LTBP4: variants seen among roughly 807,000 people sequenced by gnomAD.
LTBP4 encodes the protein latent transforming growth factor beta binding protein 4.
LTBP4 carries 93 observed loss-of-function variants against 180.2 expected under a neutral mutation model. The ratio of observed to expected loss-of-function variants is 0.52; its 90% CI spans 0.44 to 0.61. The LOEUF (loss-of-function observed/expected upper bound fraction) is 0.61. LTBP4 is among the 20% of genes least tolerant of loss of function. The probability of loss-of-function intolerance (pLI) is 0.00; values close to 1 mark genes in which losing one functional copy is unlikely to be tolerated. For missense variants in LTBP4, 2,116 were observed against 2,256.5 expected (o/e 0.94, Z 1.26); for synonymous variants, 947 against 934.5 (o/e 1.01, Z -0.24).
intron 27 of LTBP4, 148 bp downstream of exon 27, chr19:40,626,157 T>G (rs2081632334): frequency 2.2e-6 from 2 of 889,558 alleles, no homozygotes; most frequent in South Asian, 2.1e-5. Flanking sequence ...TCCCAAAATC[T>G]TGGTCCCCGA....
intron 11 of LTBP4, 152 bp from the exon 12 acceptor site, chr19:40,610,380 A>C: frequency 1.2e-6 from 1 of 851,782 alleles, no homozygotes; most frequent in Non-Finnish European, 1.8e-6. Flanking sequence ...TGCCTCTCTC[A>C]CTGTGCCCCT....
chr19:40,595,424 G>A (rs577301524), intron 1 of LTBP4, among the ~76,000 whole-genome samples: 2 of 148,374 alleles, frequency 1.3e-5, no homozygotes, highest in African/African-American at 5.0e-5. Flanking sequence ...ACCCAGCCAG[G>A]CTCTGCCCCT....
intron 22 of LTBP4, 56 bp downstream of exon 22, chr19:40,619,549 T>C: frequency 6.5e-7 from 1 of 1,538,588 alleles, no homozygotes; most frequent in Non-Finnish European, 8.8e-7. Context: ...GAAAATCACG[T>C]GGTCTAATCA....
Position 40,609,841 on chromosome 19 carries a change from C to G in LTBP4, c.1654C>G (p.Arg552Gly), listed in dbSNP as rs748161227. The G allele has an allele frequency of 6.3e-7, 1 of 1,597,078 alleles. No individual in the cohort carries two copies. Among genetic ancestry groups the G allele is most frequent in the East Asian group, 2.3e-5 (1 of 44,244 alleles). Reference protein sequence around the residue: ...SFRCVCGPGFRAGPRAAECLD... With the variant: ...SFRCVCGPGFGAGPRAAECLD... ...CCGCTGCGTGTGCGGCCCGGGCTTC[C>G]GAGCCGGCCCACGGGCTGCGGAATG... The change falls in exon 11 of 30, where the codon CGA (arginine) becomes GGA (glycine). Residue 552 changes from arginine (R) to glycine (G), a missense_variant. Physicochemically the swap from Arg to Gly is moderately radical, Grantham distance 125. Around this residue, in one of 5 missense-constraint regions of LTBP4, gnomAD observed 877 missense variants for 873.6 expected, o/e 1.00. Coordinates refer to ENST00000396819, the MANE Select transcript of LTBP4 (RefSeq NM_001042545.2). The surrounding 1 kb of genome is among the most constrained non-coding windows in gnomAD (Gnocchi z 4.9).
Position 40,602,013 on chromosome 19 carries a change from C to T in LTBP4, c.250+376C>T, listed in dbSNP as rs112038330. Among the ~76,000 whole-genome samples, 1,510 of 151,850 alleles carry T rather than the reference C, an allele frequency of 9.9e-3. 22 individuals are homozygous for T. The highest frequency in any genetic ancestry group is 0.035 in the African/African-American group (1,435 of 41,382). On this transcript the variant is annotated intron_variant, in intron 1 of 29. Transcript: ENST00000396819. ...CGGGGACCAAGCAAGAGTCTCAGGACCGCATGGGGGACGTCTCAGTTTCTG... is the reference window on the plus strand; with the variant it reads ...CGGGGACCAAGCAAGAGTCTCAGGATCGCATGGGGGACGTCTCAGTTTCTG...
At position 40,619,254 on chromosome 19, in the gene LTBP4, A is replaced by G. The variant is rs7259237; in HGVS notation, c.3071-93A>G. 524,019 of 1,268,766 alleles carry G rather than the reference A, an allele frequency of 0.41. 109,885 individuals are homozygous for G. Among genetic ancestry groups the G allele is most frequent in the South Asian group, 0.54 (39,788 of 73,546 alleles). The allele number at this position is 1,268,766 out of a possible 1,614,324, so 78.6% of individuals were successfully genotyped here. A position where few individuals can be genotyped will look rare whatever the true frequency, so the allele number is the denominator to read the frequency against. ...ATGGGATCTGGGCCATTAAATATAC[A>G]CATTATATTTGAAAGCTGAGACTTT... On this transcript the variant is annotated intron_variant, in intron 21 of 29. Coordinates refer to ENST00000396819, the MANE Select transcript of LTBP4 (RefSeq NM_001042545.2).
intron 22 of LTBP4, among the ~76,000 whole-genome samples, chr19:40,620,262 A>G (rs1485741753): frequency 6.7e-6 from 1 of 150,360 alleles, no homozygotes; most frequent in Admixed American, 6.6e-5. Flanking sequence ...TTTTTTTAAG[A>G]CAGGGTCGTA....
chr19:40,605,060 T>C lies in LTBP4; in HGVS notation c.276T>C (p.Asn92=). The change falls in exon 2 of 30, where the codon AAT becomes AAC. Residue 92 remains asparagine, a synonymous_variant. Coordinates refer to ENST00000396819, the MANE Select transcript of LTBP4 (RefSeq NM_001042545.2). This position sits in a 1 kb window ranked among gnomAD's most constrained non-coding sequence, Gnocchi z 5.5. ...TCCTGTGTCCCTTGATCTGTCACAA[T>C]GGCGGTGTGTGCGTGAAGCCTGACC... ...RAFLCPLICH[N]GGVCVKPDRC... is the part of the protein sequence containing the mutation. 2 of 1,613,690 alleles carry C rather than the reference T, an allele frequency of 1.2e-6. No homozygotes were observed. The highest frequency in any genetic ancestry group is 1.7e-5 in the Admixed American group (1 of 60,014).
rs759437502 is a variant in LTBP4, at chr19:40,611,332, G to C, written c.1991G>C (p.Gly664Ala). The C allele has an allele frequency of 6.2e-6, 10 of 1,611,748 alleles. No homozygotes were observed. Among genetic ancestry groups the C allele is most frequent in the East Asian group, 2.2e-5 (1 of 44,832 alleles). ...CCCGGCCGCTGTGACAACACGGCAG[G>C]CTCCTTTCACTGTGCCTGCCCTGCT... ...CGPGRCDNTA[G>A]SFHCACPAGF... The change falls in exon 13 of 30, where the codon GGC (glycine) becomes GCC (alanine). Residue 664 changes from glycine (G) to alanine (A), a missense_variant. Coordinates refer to ENST00000396819, the MANE Select transcript of LTBP4 (RefSeq NM_001042545.2). The surrounding 1 kb of genome is among the most constrained non-coding windows in gnomAD (Gnocchi z 4.4).
rs750636976 is a variant in LTBP4 at position 40,627,728 on chromosome 19, G to A, written c.4390G>A (p.Glu1464Lys). ...YAGSLAEPYEELEAEECGILD... is the reference protein window; with the variant it reads ...YAGSLAEPYEKLEAEECGILD... ...AGGTTCCCTGGCTGAGCCCTACGAG[G>A]AGCTGGAGGCGGAGGAGTGCGGGAT... is the stretch of plus-strand genomic sequence containing the variant. The change falls in exon 29 of 30, where the codon GAG becomes AAG. Residue 1464 changes from glutamate (E) to lysine (K), a missense_variant. Around this residue, in one of 5 missense-constraint regions of LTBP4, gnomAD observed 488 missense variants for 458.8 expected, o/e 1.06. Coordinates refer to ENST00000396819, the MANE Select transcript of LTBP4 (RefSeq NM_001042545.2). The A allele has an allele frequency of 6.3e-6, 10 of 1,597,680 alleles. No individual in the cohort carries two copies. The highest frequency in any genetic ancestry group is 2.3e-5 in the East Asian group (1 of 44,110).
chr19:40,596,076 G>A (rs978665687), intron 1 of LTBP4, among the ~76,000 whole-genome samples: 1 of 151,468 alleles, frequency 6.6e-6, no homozygotes. Context: ...GCCCACCACT[G>A]CACCCAGCTA....
chr19:40,611,130 C>T lies in LTBP4; in HGVS notation c.1811-22C>T. On this transcript the variant is annotated intron_variant, in intron 12 of 29. Transcript: ENST00000396819. The surrounding 1 kb of genome is among the most constrained non-coding windows in gnomAD (Gnocchi z 4.4). ...GGGAGGCAGAGGGGAACAAGTGACC[C>T]CGGGCCCCCTGCCCTGTGCAGATGT... The T allele has an allele frequency of 6.2e-7, 1 of 1,610,970 alleles. No homozygotes were observed. Among genetic ancestry groups the T allele is most frequent in the Non-Finnish European group, 8.5e-7 (1 of 1,177,432 alleles).
chr19:40,601,531 G>C lies in LTBP4; in HGVS notation c.144G>C (p.Gly48=). 1 of 1,493,188 alleles carries C rather than the reference G, an allele frequency of 6.7e-7. No homozygotes were observed. 92.5% of individuals were successfully genotyped at this position (1,493,188 alleles called of 1,614,324 possible). ...TGTGCGGCCTGCGCTGCGTCCATGGGCCGACCGGCTCCCGCTGTACCCCGA... is the reference window on the plus strand; with the variant it reads ...TGTGCGGCCTGCGCTGCGTCCATGGCCCGACCGGCTCCCGCTGTACCCCGA... The part of the protein sequence containing the change: ...PVVCGLRCVH[G]PTGSRCTPTC... The change falls in exon 1 of 30, where the codon GGG becomes GGC. Residue 48 remains glycine (G), a synonymous_variant. Transcript: ENST00000396819.
At chr19:40,602,188 C>A (rs1358834466) in intron 1 of LTBP4, among the ~76,000 whole-genome samples, 1 of 8,796 alleles carries the variant, frequency 1.1e-4, no homozygotes, top group South Asian at 3.8e-3. Context: ...TGTGTGGCGG[C>A]GGGGGTGGGG....
chr19:40,613,692 G>A lies in LTBP4; in HGVS notation c.2557+163G>A. 2 of 1,274,070 alleles carry A rather than the reference G, an allele frequency of 1.6e-6. No individual in the cohort carries two copies. Among genetic ancestry groups the A allele is most frequent in the Non-Finnish European group, 2.2e-6 (2 of 913,950 alleles). 78.9% of individuals were successfully genotyped at this position (1,274,070 alleles called of 1,614,324 possible). On this transcript the variant is annotated intron_variant, in intron 17 of 29. Coordinates refer to ENST00000396819, the MANE Select transcript of LTBP4 (RefSeq NM_001042545.2). This position sits in a 1 kb window ranked among gnomAD's most constrained non-coding sequence, Gnocchi z 5.0. ...GAGTCTCGAGGCAGTGAGGGGGGGC[G>A]GGGCGTGGAGATGAAAGGGCCGAGT...
Position 40,609,821 on chromosome 19 carries a change from G to A in LTBP4, c.1634G>A (p.Cys545Tyr). The change falls in exon 11 of 30, where the codon TGC becomes TAC. Residue 545 changes from cysteine to tyrosine, a missense_variant. By Grantham distance (194) the Cys-to-Tyr change is radical. Coordinates refer to ENST00000396819, the MANE Select transcript of LTBP4 (RefSeq NM_001042545.2). This position sits in a 1 kb window ranked among gnomAD's most constrained non-coding sequence, Gnocchi z 4.9. ...GAGAACTCACCAGGCAGCTTCCGCT[G>A]CGTGTGCGGCCCGGGCTTCCGAGCC... ...RCENSPGSFR[C>Y]VCGPGFRAGP... 1 of 1,605,146 alleles carries A rather than the reference G, an allele frequency of 6.2e-7. No homozygotes were observed.
At chr19:40,607,620 A>G (rs1435620381) in intron 7 of LTBP4, 91 bp downstream of exon 7, 13 of 1,386,546 alleles carry the variant, frequency 9.4e-6, no homozygotes, top group South Asian at 5.7e-5. Flanking sequence ...CACTGCCCCA[A>G]CCTGACTGGC....
Position 40,609,677 on chromosome 19 carries a change from G to A in LTBP4, c.1558+16G>A. 1 of 1,612,330 alleles carries A rather than the reference G, an allele frequency of 6.2e-7. No homozygotes were observed. The highest frequency in any genetic ancestry group is 8.5e-7 in the Non-Finnish European group (1 of 1,179,018). On this transcript the variant is annotated intron_variant, in intron 10 of 29. Coordinates refer to ENST00000396819, the MANE Select transcript of LTBP4 (RefSeq NM_001042545.2). This position sits in a 1 kb window ranked among gnomAD's most constrained non-coding sequence, Gnocchi z 4.9. ...CGATGCATTGGTGAGCAAGACGGAGGGCGCGGAAGGAGGCGGGGCGGGGGG... is the reference window on the plus strand; with the variant it reads ...CGATGCATTGGTGAGCAAGACGGAGAGCGCGGAAGGAGGCGGGGCGGGGGG...
Position 40,629,448 on chromosome 19 carries a change from G to T in LTBP4, c.4572G>T (p.Ala1524=), listed in dbSNP as rs371783184. ...CTGCCTCCCCGCTGTGCGTCAACGC[G>T]CGTTGCCTCAACACGGATGGCTCCT... ...AEAASPLCVN[A]RCLNTDGSFR... is the part of the protein sequence containing the mutation. The change falls in exon 30 of 30, where the codon GCG becomes GCT. Residue 1524 remains alanine, a synonymous_variant. Coordinates refer to ENST00000396819, the MANE Select transcript of LTBP4 (RefSeq NM_001042545.2). This position sits in a 1 kb window ranked among gnomAD's most constrained non-coding sequence, Gnocchi z 4.5. 25 of 1,612,430 alleles carry T rather than the reference G, an allele frequency of 1.6e-5. No homozygotes were observed. In the Admixed American group the frequency reaches 2.3e-4, roughly 15 times the overall value.
Sources: allele counts gnomAD v4.1 joint callset (sites outside exome capture counted in the v4.1 genomes callset), GRCh38; gene constraint gnomAD v4.1.1; regional missense constraint gnomAD v4.1.1; non-coding constraint Gnocchi (gnomAD v3.1); transcripts MANE v1.5; gene names NCBI Gene and HGNC (gene_info 2026-07-23, HGNC 2026-07-21).